The following TTN variants were observed in gnomAD, a reference collection of about 807,000 sequenced individuals.
TTN encodes the protein titin, also known as connectin.
In TTN, 1,525 loss-of-function variants were observed where a neutral mutation model predicts 3,223.0. That is an observed-to-expected ratio of 0.47 (90% CI 0.45 to 0.49). The LOEUF is 0.49. Ranked by LOEUF, TTN falls within the 20% of genes least tolerant of loss-of-function variation. The pLI is 0.00. For missense variants in TTN, 40,786 were observed against 43,424.0 expected (o/e 0.94, Z 5.40); for synonymous variants, 14,094 against 15,161.0 (o/e 0.93, Z 5.17).
Position 178,674,344 on chromosome 2 carries a change from C to G in TTN, c.34678G>C (p.Glu11560Gln). 1.9e-6 allele frequency: 3 copies of G among 1,600,824 alleles called. No individual in the cohort carries two copies. The highest frequency in any genetic ancestry group is 2.6e-6 in the Non-Finnish European group (3 of 1,172,486). ...GGTGGTGCCACCTCTTCAACTTCCT[C>G]TATGCTAGGTGGTTCTTCTGGGATT... ...EEIPEEPPSI[E>Q]EVEEVAPPRV... Residue 11560 changes from glutamate (E) to glutamine (Q), a missense_variant, in exon 151 of 363, where the codon GAG becomes CAG. By Grantham distance (29) the Glu-to-Gln change is conservative. Coordinates refer to ENST00000589042, the MANE Select transcript of TTN (RefSeq NM_001267550.2).
At chr2:178,738,935 T>C (rs988862427) in intron 48 of TTN, among the ~76,000 whole-genome samples, 1 of 152,164 alleles carries the variant, frequency 6.6e-6, no homozygotes, top group Non-Finnish European at 1.5e-5. Flanking sequence ...AAATAAATAG[T>C]ACCATGGATA....
rs768362282 is a variant in TTN at position 178,672,642 on chromosome 2, T to G, written c.34848A>C (p.Pro11616=). The G allele has an allele frequency of 2.5e-6, 4 of 1,611,566 alleles. No individual in the cohort carries two copies. The highest frequency in any genetic ancestry group is 3.4e-6 in the Non-Finnish European group (4 of 1,178,454). ...PVPVQKKEAP[P]AKVPEVPKKV... is the part of the protein sequence containing the mutation. ...TTAAAAGAGAAGATGTACCTTTGGC[T>G]GGGGGTGCCTCTTTTTTCTGAACAG... Residue 11616 remains proline, a synonymous_variant, in exon 153 of 363, where the codon CCA becomes CCC. Transcript: ENST00000589042.
Position 178,689,796 on chromosome 2 carries a change from G to T in TTN, c.31846+17C>A. The T allele has an allele frequency of 4.4e-6, 7 of 1,590,868 alleles. No individual in the cohort carries two copies. The highest frequency in any genetic ancestry group is 5.1e-6 in the Non-Finnish European group (6 of 1,171,662). ...TCAAAGATAAAAGATAGGGCTTTACGTCGAAAGCCACTGTACCTTTAGCTG... is the reference window on the plus strand; with the variant it reads ...TCAAAGATAAAAGATAGGGCTTTACTTCGAAAGCCACTGTACCTTTAGCTG... On this transcript the variant is annotated intron_variant, in intron 122 of 362. Coordinates refer to ENST00000589042, the MANE Select transcript of TTN (RefSeq NM_001267550.2).
Position 178,711,052 on chromosome 2 carries a change from A to G in TTN, c.28174+10T>C. 1 of 1,561,200 alleles carries G rather than the reference A, an allele frequency of 6.4e-7. No individual in the cohort carries two copies. Among genetic ancestry groups the G allele is most frequent in the Non-Finnish European group, 8.6e-7 (1 of 1,158,080 alleles). On this transcript the variant is annotated intron_variant, in intron 97 of 362. Transcript: ENST00000589042. Reference sequence around the variant, plus strand: ...TAATTCTAGAAATGAAAGTTTAAGAATCCACAAACCTGTGAGAATGAGCCT... The same window carrying G: ...TAATTCTAGAAATGAAAGTTTAAGAGTCCACAAACCTGTGAGAATGAGCCT...
rs2093692656 is a variant in TTN at position 178,795,021 on chromosome 2, G to A, written c.1146C>T (p.Val382=). The A allele has an allele frequency of 1.2e-6, 2 of 1,611,972 alleles. No individual in the cohort carries two copies. The highest frequency in any genetic ancestry group is 1.7e-6 in the Non-Finnish European group (2 of 1,179,996). ...CACCACTGATGGTCACTTGCTCCTG[G>A]ACACCGTATCTCCCTTCCCATCTCT... ...TEERWEGRYG[V]QEQVTISGAA... is the part of the protein sequence containing the mutation. Residue 382 remains valine, a synonymous_variant, in exon 7 of 363, where the codon GTC becomes GTT. Transcript: ENST00000589042.
rs753424257 is a variant in TTN at position 178,588,832 on chromosome 2, C to T, written c.62893G>A (p.Gly20965Ser). 11 of 1,613,318 alleles carry T rather than the reference C, an allele frequency of 6.8e-6. No homozygotes were observed. Among genetic ancestry groups the T allele is most frequent in the Non-Finnish European group, 8.5e-6 (10 of 1,179,592 alleles). ...VIAKTKYDKP[G>S]RPDPPEVTKV... is the part of the protein sequence containing the mutation. ...GTGACTTCTGGGGGATCAGGGCGAC[C>T]AGGTTTATCATACTTGGTTTTGGCT... Residue 20965 changes from glycine to serine, a missense_variant, in exon 304 of 363, where the codon GGT (glycine) becomes AGT (serine). Physicochemically the swap from Gly to Ser is moderately conservative, Grantham distance 56. Transcript: ENST00000589042.
In TTN at chr2:178,731,500, A is replaced by G. The variant is rs2080496775; in HGVS notation, c.17266T>C (p.Ser5756Pro). ...TAAFQATLKGSLPITVTWLKD... is the reference protein window; with the variant it reads ...TAAFQATLKGPLPITVTWLKD... ...AGCCAAGTCACCGTAATTGGCAAGG[A>G]GCCCTTCAGAGTGGCCTGGAAGGCA... Residue 5756 changes from serine (S) to proline (P), a missense_variant, in exon 59 of 363, where the codon TCC becomes CCC. Physicochemically the swap from Ser to Pro is moderately conservative, Grantham distance 74. Transcript: ENST00000589042. 1 of 1,613,448 alleles carries G rather than the reference A, an allele frequency of 6.2e-7. No homozygotes were observed. Among genetic ancestry groups the G allele is most frequent in the Admixed American group, 1.7e-5 (1 of 59,952 alleles).
rs371917829 is a variant in TTN at position 178,529,232 on chromosome 2, C to A, written c.106532-13G>T. The A allele has an allele frequency of 3.5e-6, 5 of 1,443,712 alleles. No homozygotes were observed. Among genetic ancestry groups the A allele is most frequent in the East Asian group, 2.4e-5 (1 of 40,978 alleles). 89.4% of individuals were successfully genotyped at this position (1,443,712 alleles called of 1,614,324 possible). ...GTATCTTTTATAGCTAAAAAAGAAA[C>A]CTCTGTAAGGCAAACTTAATTAGAA... On this transcript the variant is annotated splice_polypyrimidine_tract_variant and intron_variant, in intron 359 of 362. Coordinates refer to ENST00000589042, the MANE Select transcript of TTN (RefSeq NM_001267550.2).
chr2:178,560,779 A>G lies in TTN; in HGVS notation c.85353T>C (p.Pro28451=), dbSNP rs1703355762. The change falls in exon 326 of 363, where the codon CCT becomes CCC. Residue 28451 remains proline (P), a synonymous_variant. Coordinates refer to ENST00000589042, the MANE Select transcript of TTN (RefSeq NM_001267550.2). ...VAVNCKVLDK[P]GPPAGPLEIN... ...TTTCAAGTGGTCCTGCTGGTGGACC[A>G]GGCTTATCAAGTACTTTGCAATTAA... 6.2e-7 allele frequency: 1 copy of G among 1,613,642 alleles called. No homozygotes were observed. The highest frequency in any genetic ancestry group is 1.1e-5 in the South Asian group (1 of 91,084).
At chr2:178,540,598 C>T (rs1031617598) in intron 350 of TTN, among the ~76,000 whole-genome samples, 2 of 152,094 alleles carry the variant, frequency 1.3e-5, no homozygotes, top group African/African-American at 4.8e-5. Context: ...TAGTTCAAGA[C>T]CAGCCTGGCC....
At position 178,789,620 on chromosome 2, in the gene TTN, T is replaced by C. The variant is rs973442160; in HGVS notation, c.1939-123A>G. ...TTCAGGGTTAAATACACAAGAGAAATAAACTTTCACCGGCAATGTCTACAT... is the reference window on the plus strand; with the variant it reads ...TTCAGGGTTAAATACACAAGAGAAACAAACTTTCACCGGCAATGTCTACAT... On this transcript the variant is annotated intron_variant, in intron 12 of 362. Coordinates refer to ENST00000589042, the MANE Select transcript of TTN (RefSeq NM_001267550.2). The C allele has an allele frequency of 9.1e-6, 12 of 1,325,078 alleles. No individual in the cohort carries two copies. In the African/African-American group the frequency reaches 1.8e-4, roughly 19 times the overall value. The allele number at this position is 1,325,078 out of a possible 1,614,324, so 82.1% of individuals were successfully genotyped here. A position where few individuals can be genotyped will look rare whatever the true frequency, so the allele number is the denominator to read the frequency against.
In TTN at chr2:178,618,835, G is replaced by A. The variant is rs1398854469; in HGVS notation, c.46715C>T (p.Thr15572Ile). The part of the protein sequence containing the change: ...LELAAAPKIK[T>I]ADQDLVVDVG... ...ATCAACCACAAGGTCTTGGTCAGCTGTCTTGATTTTTGGTGCAGCTAGTGA... is the reference window on the plus strand; with the variant it reads ...ATCAACCACAAGGTCTTGGTCAGCTATCTTGATTTTTGGTGCAGCTAGTGA... Residue 15572 changes from threonine to isoleucine, a missense_variant, in exon 251 of 363, where the codon ACA becomes ATA. Transcript: ENST00000589042. The A allele has an allele frequency of 1.2e-6, 2 of 1,609,694 alleles. No individual in the cohort carries two copies. The highest frequency in any genetic ancestry group is 1.7e-6 in the Non-Finnish European group (2 of 1,178,416).
At position 178,592,414 on chromosome 2, in the gene TTN, C is replaced by T. The variant is rs763969580; in HGVS notation, c.59591G>A (p.Gly19864Asp). The change falls in exon 301 of 363, where the codon GGT becomes GAT. Residue 19864 changes from glycine (G) to aspartate (D), a missense_variant. Gly to Asp is a moderately conservative substitution (Grantham distance 94). Transcript: ENST00000589042. The stretch of plus-strand genomic sequence containing the variant: ...TACTTTTACTGAGACAGTTTTTGAA[C>T]CAGCTGGATTCTCCACTGTTAAAGA... Reference protein sequence around the residue: ...IYSLTVENPAGSKTVSVKVLV... With the variant: ...IYSLTVENPADSKTVSVKVLV... 12 of 1,613,152 alleles carry T rather than the reference C, an allele frequency of 7.4e-6. No individual in the cohort carries two copies. In the East Asian group the frequency reaches 2.2e-4, roughly 30 times the overall value.
In TTN at chr2:178,554,949, C is replaced by T. The variant is rs376679796; in HGVS notation, c.88510G>A (p.Asp29504Asn). ...DLASILIKDA[D>N]RLNSGCYELK... The stretch of plus-strand genomic sequence containing the variant: ...TCATAGCATCCACTATTAAGGCGAT[C>T]GGCATCTTTGATGAGTATAGATGCG... Residue 29504 changes from aspartate to asparagine, a missense_variant, in exon 331 of 363, where the codon GAT becomes AAT. By Grantham distance (23) the Asp-to-Asn change is conservative. Transcript: ENST00000589042. The T allele has an allele frequency of 3.5e-4, 568 of 1,613,770 alleles. 8 individuals carry two copies. The South Asian group carries it at 4.5e-3, about 13-fold the overall frequency.
At chr2:178,642,564 T>C (rs547398989) in intron 218 of TTN, among the ~76,000 whole-genome samples, 99 of 152,108 alleles carry the variant, frequency 6.5e-4, no homozygotes, top group Non-Finnish European at 1.2e-3. Flanking sequence ...TTTAAATGCA[T>C]GTAGAGGATG....
In TTN at chr2:178,532,190, C is replaced by T. The variant is rs754384143; in HGVS notation, c.104425G>A (p.Val34809Met). 5.0e-6 allele frequency: 8 copies of T among 1,613,680 alleles called. No homozygotes were observed. The Admixed American group carries it at 6.7e-5, about 13-fold the overall frequency. ...SRKKSRRQRE[V>M]TEITEIEEEY... ...TCCTCAATTTCTGTTATTTCTGTCA[C>T]TTCTCTTTGTCGCCTTGATTTCTTT... Residue 34809 changes from valine (V) to methionine (M), a missense_variant, in exon 358 of 363, where the codon GTG (valine) becomes ATG (methionine). Physicochemically the swap from Val to Met is conservative, Grantham distance 21 (BLOSUM62 1). Coordinates refer to ENST00000589042, the MANE Select transcript of TTN (RefSeq NM_001267550.2).
intron 294 of TTN, among the ~76,000 whole-genome samples, chr2:178,596,624 G>A (rs1437980206): frequency 6.6e-6 from 1 of 152,096 alleles, no homozygotes; most frequent in Non-Finnish European, 1.5e-5. Context: ...TCAAATTAAA[G>A]TAATAACCAT....
chr2:178,532,201 C>T lies in TTN; in HGVS notation c.104414G>A (p.Arg34805Gln), dbSNP rs115150240. ...TGTTATTTCTGTCACTTCTCTTTGTCGCCTTGATTTCTTTCTAGACTTTTC... is the reference window on the plus strand; with the variant it reads ...TGTTATTTCTGTCACTTCTCTTTGTTGCCTTGATTTCTTTCTAGACTTTTC... Reference protein sequence around the residue: ...KEEKSRKKSRRQREVTEITEI... With the variant: ...KEEKSRKKSRQQREVTEITEI... The change falls in exon 358 of 363, where the codon CGA (arginine) becomes CAA (glutamine). Residue 34805 changes from arginine (R) to glutamine (Q), a missense_variant. Coordinates refer to ENST00000589042, the MANE Select transcript of TTN (RefSeq NM_001267550.2). The T allele has an allele frequency of 1.3e-4, 205 of 1,613,520 alleles. No homozygotes were observed. Among genetic ancestry groups the T allele is most frequent in the Non-Finnish European group, 1.5e-4 (182 of 1,179,858 alleles).
chr2:178,756,046 A>C (rs570136244), intron 46 of TTN, among the ~76,000 whole-genome samples, 176 bp downstream of exon 46: 16 of 152,318 alleles, frequency 1.1e-4, no homozygotes, highest in South Asian at 6.2e-4. Flanking sequence ...GGTAAGTTAA[A>C]TTTTCAGGAT....
Sources: allele counts gnomAD v4.1 joint callset (sites outside exome capture counted in the v4.1 genomes callset), GRCh38; gene constraint gnomAD v4.1.1; transcripts MANE v1.5; gene names NCBI Gene and HGNC (gene_info 2026-07-23, HGNC 2026-07-21).